Variants in CHD7 observed in about 807,000 individuals in gnomAD.
CHD7 encodes the protein chromodomain helicase DNA binding protein 7.
CHD7 carries 24 observed loss-of-function variants against 307.3 expected under a neutral mutation model. The observed-to-expected ratio is 0.08, with a 90% CI of 0.06 to 0.11. CHD7 has a LOEUF of 0.11. CHD7 is among the 10% of genes least tolerant of loss of function. The pLI, the probability that CHD7 is intolerant of heterozygous loss-of-function variation, is 1.00. For synonymous variants in CHD7, 1,363 were observed against 1,349.9 expected (o/e 1.01, Z -0.21); for missense variants, 3,106 against 3,727.1 (o/e 0.83, Z 4.34).
At chr8:60,772,511 T>C (rs927978204) in intron 2 of CHD7, among the ~76,000 whole-genome samples, 1 of 152,194 alleles carries the variant, frequency 6.6e-6, no homozygotes, top group Non-Finnish European at 1.5e-5. Flanking sequence ...ACTGCTGTTG[T>C]CTTTTGTTTT....
At chr8:60,797,607 C>G (rs1812092901) in intron 4 of CHD7, among the ~76,000 whole-genome samples, 1 of 152,122 alleles carries the variant, frequency 6.6e-6, no homozygotes, top group South Asian at 2.1e-4. Context: ...CCTGATGAAA[C>G]ATGGCAGGTA....
At chr8:60,766,273 T>A (rs1342310534) in intron 2 of CHD7, among the ~76,000 whole-genome samples, 17 of 152,080 alleles carry the variant, frequency 1.1e-4, no homozygotes, top group Admixed American at 1.1e-3. Flanking sequence ...AAGGAATTGA[T>A]GTGGCTGAAG....
intron 4 of CHD7, among the ~76,000 whole-genome samples, chr8:60,797,184 C>T (rs1418604711): frequency 6.6e-6 from 1 of 152,110 alleles, no homozygotes; most frequent in Non-Finnish European, 1.5e-5. Context: ...TTTAATTTTA[C>T]ATTGGGGAAT....
At chr8:60,714,218 A>G (rs1340171816) in intron 1 of CHD7, among the ~76,000 whole-genome samples, 1 of 151,868 alleles carries the variant, frequency 6.6e-6, no homozygotes, top group Non-Finnish European at 1.5e-5. Flanking sequence ...CGCAGGGCGG[A>G]GCGGGGTCAT....
At chr8:60,753,272 A>G (rs1809726728) in intron 2 of CHD7, among the ~76,000 whole-genome samples, 1 of 152,212 alleles carries the variant, frequency 6.6e-6, no homozygotes, top group African/African-American at 2.4e-5. Context: ...GGGAGTAGTC[A>G]TCTTCATACT....
intron 4 of CHD7, among the ~76,000 whole-genome samples, chr8:60,800,069 C>T (rs576993600): frequency 7.9e-5 from 12 of 151,526 alleles, no homozygotes; most frequent in South Asian, 2.1e-4. Flanking sequence ...CTTGCTCTGT[C>T]GTCCAGACTG....
intron 1 of CHD7, among the ~76,000 whole-genome samples, chr8:60,735,901 T>G (rs1259837229): frequency 6.6e-6 from 1 of 152,228 alleles, no homozygotes; most frequent in East Asian, 1.9e-4. Context: ...TGAATGTGGC[T>G]TGTGCGACTA....
At chr8:60,805,229 C>A (rs1406962374) in intron 6 of CHD7, among the ~76,000 whole-genome samples, 1 of 152,142 alleles carries the variant, frequency 6.6e-6, no homozygotes, top group Non-Finnish European at 1.5e-5. Context: ...TGAATTCACA[C>A]ACTTTTGTTC....
At chr8:60,816,113 G>GTCTGTCTGTCTGTCTGTC (rs58405811) in intron 7 of CHD7, among the ~76,000 whole-genome samples, 66 of 139,314 alleles carry the variant, frequency 4.7e-4, no homozygotes, top group African/African-American at 1.8e-3. Flanking sequence ...CTGTCTGTCT[G>GTCTGTCTGTCTGTCTGTC]TCTCTCTCTC....
intron 3 of CHD7, among the ~76,000 whole-genome samples, chr8:60,784,276 A>G (rs1811390714): frequency 6.6e-6 from 1 of 152,234 alleles, no homozygotes. Context: ...GTTATGTGAT[A>G]CCAGTTATTT....
intron 3 of CHD7, among the ~76,000 whole-genome samples, chr8:60,787,256 A>G (rs1458066581): frequency 6.6e-6 from 1 of 152,204 alleles, no homozygotes. Flanking sequence ...GTGGGTGGGC[A>G]GCATGGCTCA....
chr8:60,750,411 A>C (rs765869362), intron 2 of CHD7, among the ~76,000 whole-genome samples: 2 of 152,134 alleles, frequency 1.3e-5, no homozygotes, highest in Non-Finnish European at 2.9e-5. Context: ...GTGGAAAGGG[A>C]ATTTTGTTAT....
intron 12 of CHD7, among the ~76,000 whole-genome samples, chr8:60,823,437 A>G (rs1046297990): frequency 3.5e-5 from 5 of 144,140 alleles, no homozygotes; most frequent in African/African-American, 1.3e-4. Flanking sequence ...ATAGATAGAT[A>G]GATGTGTGTG....
At position 60,853,238 on chromosome 8, in the gene CHD7, C is replaced by A. The variant is rs376020564; in HGVS notation, c.6513C>A (p.Ala2171=). Residue 2171 remains alanine (A), a synonymous_variant, in exon 31 of 38, where the codon GCC becomes GCA. Transcript: ENST00000423902. ...AAGATGAGAGGGTACTGGAACAAGC[C>A]GAAGGCAAAGTGGAGGAGCCTGAAA... The part of the protein sequence containing the change: ...HIQDERVLEQ[A]EGKVEEPENP... 4.3e-6 allele frequency: 7 copies of A among 1,613,612 alleles called. No homozygotes were observed. The African/African-American group carries it at 9.4e-5, about 22-fold the overall frequency.
intron 1 of CHD7, among the ~76,000 whole-genome samples, chr8:60,701,221 C>T (rs1161783200): frequency 1.3e-5 from 2 of 152,182 alleles, no homozygotes; most frequent in Non-Finnish European, 2.9e-5. Context: ...GTAAAATGTT[C>T]ACAGGTTATG....
chr8:60,742,599 T>A lies in CHD7; in HGVS notation c.1167T>A (p.Thr389=). The part of the protein sequence containing the change: ...QTMHPSQPQG[T]YASPPPMSPM... ...TGCATCCTTCACAGCCTCAGGGAAC[T>A]TATGCCTCTCCACCTCCCATGTCAC... The change falls in exon 2 of 38, where the codon ACT becomes ACA. Residue 389 remains threonine (T), a synonymous_variant. Coordinates refer to ENST00000423902, the MANE Select transcript of CHD7 (RefSeq NM_017780.4). The A allele has an allele frequency of 5.6e-6, 9 of 1,613,664 alleles. No homozygotes were observed. Among genetic ancestry groups the A allele is most frequent in the Non-Finnish European group, 7.6e-6 (9 of 1,179,624 alleles).
At chr8:60,699,187 C>T (rs1806636271) in intron 1 of CHD7, among the ~76,000 whole-genome samples, 1 of 152,170 alleles carries the variant, frequency 6.6e-6, no homozygotes, top group Non-Finnish European at 1.5e-5. Context: ...ACCTATAGAA[C>T]ATTTTGCTGG....
At chr8:60,680,510 G>A (rs1251341683) in intron 1 of CHD7, among the ~76,000 whole-genome samples, 1 of 151,886 alleles carries the variant, frequency 6.6e-6, no homozygotes, top group East Asian at 1.9e-4. Context: ...TCATTACCGA[G>A]CCGCCTTTCT....
At chr8:60,750,608 C>T (rs909958595) in intron 2 of CHD7, among the ~76,000 whole-genome samples, 3 of 152,150 alleles carry the variant, frequency 2.0e-5, no homozygotes, top group Non-Finnish European at 4.4e-5. Flanking sequence ...ATTAAACCAA[C>T]ATATCCAAGA....
Sources: allele counts gnomAD v4.1 joint callset (sites outside exome capture counted in the v4.1 genomes callset), GRCh38; gene constraint gnomAD v4.1.1; transcripts MANE v1.5; gene names NCBI Gene and HGNC (gene_info 2026-07-23, HGNC 2026-07-21).